The following EDARADD variants were observed in gnomAD, a reference collection of about 807,000 sequenced individuals.
The protein encoded by EDARADD is ectodysplasin-A receptor-associated adapter protein.
Under a neutral mutation model 25.6 loss-of-function variants are expected in EDARADD, and 20 were observed. The ratio of observed to expected loss-of-function variants is 0.78; its 90% CI spans 0.55 to 1.14. The LOEUF (loss-of-function observed/expected upper bound fraction) is 1.14. EDARADD is among the 50% of genes most tolerant of loss of function. The probability of loss-of-function intolerance (pLI) is 0.00; values close to 1 mark genes in which losing one functional copy is unlikely to be tolerated. For missense variants in EDARADD, 225 were observed against 270.1 expected (o/e 0.83, Z 1.17); for synonymous variants, 86 against 94.4 (o/e 0.91, Z 0.52).
rs1393797743 is a variant in EDARADD, at chr1:236,395,355, G to A, written c.61+850G>A. ...TCCCAGCCCCGGGTCGCGGCACCCC[G>A]GCTCCCGCCCCGCGCCTCTGGAGGG... is the stretch of plus-strand genomic sequence containing the variant. On this transcript the variant is annotated intron_variant, in intron 1 of 5. Coordinates refer to ENST00000334232, the MANE Select transcript of EDARADD (RefSeq NM_145861.4). This position sits in a 1 kb window ranked among gnomAD's most constrained non-coding sequence, Gnocchi z 6.9. The A allele has an allele frequency of 4.5e-6, 6 of 1,332,032 alleles. No homozygotes were observed. In the East Asian group the frequency reaches 1.7e-4, roughly 37 times the overall value. 82.5% of individuals were successfully genotyped at this position (1,332,032 alleles called of 1,614,324 possible). A position where few individuals can be genotyped will look rare whatever the true frequency, so the allele number is the denominator to read the frequency against.
chr1:236,378,836 A>G (rs1667257212), intron 3 of EDARADD, among the ~76,000 whole-genome samples: 1 of 152,144 alleles, frequency 6.6e-6, no homozygotes. Context: ...TGTACTTAAA[A>G]TTCTTCTTTT....
chr1:236,419,139 T>C (rs1657716219), intron 3 of EDARADD, among the ~76,000 whole-genome samples: 1 of 152,100 alleles, frequency 6.6e-6, no homozygotes, highest in African/African-American at 2.4e-5. Context: ...TCTTTGCCAG[T>C]GTTTCAAGAG....
chr1:236,405,866 C>T (rs57548208), intron 1 of EDARADD, among the ~76,000 whole-genome samples: 446 of 40,418 alleles, frequency 0.011, 2 homozygotes, highest in Admixed American at 0.014. Flanking sequence ...TCCTTCCTTC[C>T]TTCCTTCCTT....
chr1:236,416,906 G>A (rs916439611), intron 3 of EDARADD, among the ~76,000 whole-genome samples: 1 of 152,156 alleles, frequency 6.6e-6, no homozygotes, highest in African/African-American at 2.4e-5. Context: ...GACTCCAGGA[G>A]TTCAAGACCA....
chr1:236,439,349 C>G (rs1171138330), intron 4 of EDARADD, among the ~76,000 whole-genome samples: 1 of 152,166 alleles, frequency 6.6e-6, no homozygotes, highest in East Asian at 1.9e-4. Flanking sequence ...TAAGTTCAGC[C>G]CCTTTGGATA....
At chr1:236,358,733 A>G (rs1667011878) in intron 3 of EDARADD, among the ~76,000 whole-genome samples, 1 of 150,668 alleles carries the variant, frequency 6.6e-6, no homozygotes, top group Admixed American at 6.6e-5. Context: ...GTGGTCTGAG[A>G]GACTGTTTGT....
rs765466865 is a variant in EDARADD, at chr1:236,427,394, G to A, written c.163G>A (p.Glu55Lys). ...PIQDTELPKA[E>K]ECDTITLNCP... is the part of the protein sequence containing the mutation. ...TTCTTTCTTTTTTTTTTTCCTAGCTGAAGAATGTGATACAATTACTTTGAA... is the reference window on the plus strand; with the variant it reads ...TTCTTTCTTTTTTTTTTTCCTAGCTAAAGAATGTGATACAATTACTTTGAA... The change falls in exon 4 of 6, where the codon GAA becomes AAA. Residue 55 changes from glutamate (E) to lysine (K), a missense_variant and splice_region_variant. Transcript: ENST00000334232. The A allele has an allele frequency of 1.9e-6, 3 of 1,605,392 alleles. No individual in the cohort carries two copies. The highest frequency in any genetic ancestry group is 3.4e-5 in the Admixed American group (2 of 59,094).
chr1:236,404,368 C>A (rs1435394834), intron 1 of EDARADD, among the ~76,000 whole-genome samples: 1 of 152,198 alleles, frequency 6.6e-6, no homozygotes, highest in Non-Finnish European at 1.5e-5. Flanking sequence ...CCCTGGTACA[C>A]ACTCACATCT....
At chr1:236,438,525 A>G (rs1024665318) in intron 4 of EDARADD, among the ~76,000 whole-genome samples, 6 of 152,150 alleles carry the variant, frequency 3.9e-5, no homozygotes, top group African/African-American at 1.4e-4. Context: ...CAGTGGGAAA[A>G]GCAAGTAGAG....
At chr1:236,408,353 C>G (rs544229175) in intron 1 of EDARADD, among the ~76,000 whole-genome samples, 1 of 152,156 alleles carries the variant, frequency 6.6e-6, no homozygotes, top group African/African-American at 2.4e-5. Flanking sequence ...CAGGTGTGCA[C>G]CACTATGCGA....
Position 236,467,947 on chromosome 1 carries a change from T to C in EDARADD, c.220-284T>C, listed in dbSNP as rs112248042. On this transcript the variant is annotated intron_variant, in intron 4 of 5. Coordinates refer to ENST00000334232, the MANE Select transcript of EDARADD (RefSeq NM_145861.4). ...TGATAATTTTTAAAAATAGGGACATTAGTGCATTTAGCAAATTTGAGTGTC... is the reference window on the plus strand; with the variant it reads ...TGATAATTTTTAAAAATAGGGACATCAGTGCATTTAGCAAATTTGAGTGTC... Among the ~76,000 whole-genome samples the C allele has an allele frequency of 9.9e-5, 15 of 152,180 alleles. 1 individual carries two copies. The highest frequency in any genetic ancestry group is 3.4e-4 in the African/African-American group (14 of 41,518).
intron 3 of EDARADD, among the ~76,000 whole-genome samples, chr1:236,365,439 G>A (rs1046365706): frequency 1.3e-5 from 2 of 152,090 alleles, no homozygotes; most frequent in African/African-American, 4.8e-5. Flanking sequence ...AGCATTACAG[G>A]CATGAACCAC....
At chr1:236,463,568 G>A (rs1659097691) in intron 4 of EDARADD, among the ~76,000 whole-genome samples, 2 of 152,260 alleles carry the variant, frequency 1.3e-5, no homozygotes, top group Admixed American at 6.5e-5. Context: ...TGGGATTACA[G>A]GCGTGCGCCA....
intron 4 of EDARADD, among the ~76,000 whole-genome samples, chr1:236,436,313 C>T (rs1269478762): frequency 3.3e-5 from 5 of 152,014 alleles, no homozygotes; most frequent in East Asian, 1.9e-4. Context: ...TGCACCACTG[C>T]ACCCGGCTAA....
intron 1 of EDARADD, among the ~76,000 whole-genome samples, chr1:236,405,874 C>CTT (rs1370860313): frequency 9.7e-5 from 3 of 30,874 alleles, no homozygotes; most frequent in African/African-American, 3.5e-4. Context: ...TCCTTCCTTC[C>CTT]TTCTTTCTTT....
intron 1 of EDARADD, among the ~76,000 whole-genome samples, chr1:236,401,314 C>T (rs896615887): frequency 2.6e-5 from 4 of 152,206 alleles, no homozygotes; most frequent in African/African-American, 9.6e-5. Flanking sequence ...CTGCACTTTT[C>T]TGGCTCAGGA....
chr1:236,483,190 G>C lies in EDARADD; in HGVS notation c.*541G>C. The C allele has an allele frequency of 1.3e-6, 2 of 1,571,052 alleles. No homozygotes were observed. Among genetic ancestry groups the C allele is most frequent in the Non-Finnish European group, 1.7e-6 (2 of 1,142,992 alleles). On this transcript the variant is annotated 3_prime_UTR_variant, in exon 6 of 6. Coordinates refer to ENST00000334232, the MANE Select transcript of EDARADD (RefSeq NM_145861.4). ...ATGTCTATTCTCAAGATCCATGCCA[G>C]GGAGCTCTTTGACTCTCGTGGGAAT... is the stretch of plus-strand genomic sequence containing the variant.
At chr1:236,368,544 G>A (rs544603556) in intron 3 of EDARADD, among the ~76,000 whole-genome samples, 5 of 150,424 alleles carry the variant, frequency 3.3e-5, no homozygotes, top group East Asian at 2.0e-4. Flanking sequence ...GGGTTCAAGC[G>A]ATTCTCCTGC....
chr1:236,360,538 T>A (rs588180), intron 3 of EDARADD, among the ~76,000 whole-genome samples: 1,877 of 55,716 alleles, frequency 0.034, 79 homozygotes, highest in African/African-American at 0.063. Context: ...TAATTCACGG[T>A]TTTTTTTTTT....
Sources: gnomAD v4.1 joint callset for allele counts (sites outside exome capture counted in the v4.1 genomes callset) on GRCh38, gnomAD v4.1.1 for gene constraint, Gnocchi (gnomAD v3.1) non-coding constraint, MANE v1.5 for transcripts, NCBI Gene and HGNC (gene_info 2026-07-23, HGNC 2026-07-21) for gene names.